CD274: variants seen among roughly 807,000 people sequenced by gnomAD.
The protein encoded by CD274 is programmed cell death 1 ligand 1.
CD274 carries 8 observed loss-of-function variants against 30.1 expected under a neutral mutation model. That is an observed-to-expected ratio of 0.27 (90% CI 0.16 to 0.48). The LOEUF (loss-of-function observed/expected upper bound fraction) is 0.48, where lower values mean the gene tolerates loss of function less well. Among genes scored for constraint, CD274 ranks in the 20% least tolerant of loss-of-function variants. The pLI is 0.99. For synonymous variants in CD274, 152 were observed against 124.6 expected (o/e 1.22, Z -1.46); for missense variants, 353 against 346.6 (o/e 1.02, Z -0.15).
chr9:5,457,528 T>C (rs1819328456), intron 3 of CD274, 108 bp downstream of exon 3: 2 of 825,088 alleles, frequency 2.4e-6, no homozygotes, highest in African/African-American at 1.7e-5. Flanking sequence ...CAGAACAGCA[T>C]AGTCTGTTCA....
intron 4 of CD274, among the ~76,000 whole-genome samples, chr9:5,465,036 C>A (rs1970000): frequency 0.57 from 85,257 of 149,956 alleles, 25,056 homozygotes; most frequent in East Asian, 0.89. Context: ...GCAGTGAGCC[C>A]AGATTGCGCC....
rs559244638 is a variant in CD274 at position 5,468,848 on chromosome 9, C to T, written c.*986C>T. On this transcript the variant is annotated 3_prime_UTR_variant, in exon 7 of 7. Transcript: ENST00000381577. The stretch of plus-strand genomic sequence containing the variant: ...ATTTACAGCTATATTTTACTTTAAG[C>T]AATTCTTTTATTCAAAAACCATTTA... 6.6e-4 allele frequency: 153 copies of T among 233,060 alleles called. No homozygotes were observed. The highest frequency in any genetic ancestry group is 3.3e-3 in the African/African-American group (150 of 45,458). 14.4% of individuals were successfully genotyped at this position (233,060 alleles called of 1,614,324 possible).
chr9:5,467,692 G>A, intron 6 of CD274, 148 bp from the exon 7 acceptor site: 2 of 749,704 alleles, frequency 2.7e-6, no homozygotes, highest in East Asian at 5.3e-5. Flanking sequence ...AAGGATAATT[G>A]GGTACAAATA....
In CD274 at chr9:5,468,847, G is replaced by A. The variant is rs1464747543; in HGVS notation, c.*985G>A. On this transcript the variant is annotated 3_prime_UTR_variant, in exon 7 of 7. Coordinates refer to ENST00000381577, the MANE Select transcript of CD274 (RefSeq NM_014143.4). ...AATTTACAGCTATATTTTACTTTAA[G>A]CAATTCTTTTATTCAAAAACCATTT... 1 of 232,876 alleles carries A rather than the reference G, an allele frequency of 4.3e-6. No individual in the cohort carries two copies. Among genetic ancestry groups the A allele is most frequent in the Admixed American group, 5.6e-5 (1 of 17,754 alleles). 14.4% of individuals were successfully genotyped at this position (232,876 alleles called of 1,614,324 possible). A position where few individuals can be genotyped will look rare whatever the true frequency, so the allele number is the denominator to read the frequency against.
intron 3 of CD274, among the ~76,000 whole-genome samples, chr9:5,458,542 A>C (rs1469677757): frequency 6.6e-6 from 1 of 152,204 alleles, no homozygotes; most frequent in African/African-American, 2.4e-5. Context: ...AACTACCATC[A>C]ATCTGAGGGC....
chr9:5,462,738 C>G, intron 3 of CD274, 96 bp from the exon 4 acceptor site: 4 of 1,154,444 alleles, frequency 3.5e-6, no homozygotes, highest in Non-Finnish European at 5.0e-6. Flanking sequence ...TGAGAACCAG[C>G]CTGCATTGAT....
intron 6 of CD274, 36 bp downstream of exon 6, chr9:5,466,865 A>G: frequency 6.8e-7 from 1 of 1,469,550 alleles, no homozygotes; most frequent in South Asian, 1.2e-5. Flanking sequence ...AGTAAAAGTC[A>G]AAGGAAACAA....
chr9:5,459,978 A>T (rs905263402), intron 3 of CD274, among the ~76,000 whole-genome samples: 26 of 150,100 alleles, frequency 1.7e-4, no homozygotes, highest in African/African-American at 6.1e-4. Flanking sequence ...AGCATATCAT[A>T]TCATACTTTT....
chr9:5,454,655 G>T (rs28525236), intron 1 of CD274, among the ~76,000 whole-genome samples: 2 of 140,994 alleles, frequency 1.4e-5, no homozygotes, highest in South Asian at 2.2e-4. Flanking sequence ...GTGTGTGTGT[G>T]TTTTTGTTTT....
chr9:5,455,064 C>T (rs142781405), intron 1 of CD274, among the ~76,000 whole-genome samples: 91 of 152,126 alleles, frequency 6.0e-4, no homozygotes, highest in South Asian at 2.3e-3. Context: ...CTTATATATA[C>T]GTGGCATCGA....
At chr9:5,452,682 A>G (rs1189212271) in intron 1 of CD274, among the ~76,000 whole-genome samples, 2 of 152,202 alleles carry the variant, frequency 1.3e-5, no homozygotes, top group African/African-American at 4.8e-5. Flanking sequence ...GGAGCTGTGG[A>G]AGAGAGGGTT....
Position 5,468,797 on chromosome 9 carries a change from G to T in CD274, c.*935G>T. 1 of 233,082 alleles carries T rather than the reference G, an allele frequency of 4.3e-6. No homozygotes were observed. Among genetic ancestry groups the T allele is most frequent in the East Asian group, 6.0e-5 (1 of 16,574 alleles). The allele number at this position is 233,082 out of a possible 1,614,324, so 14.4% of individuals were successfully genotyped here. A position where few individuals can be genotyped will look rare whatever the true frequency, so the allele number is the denominator to read the frequency against. On this transcript the variant is annotated 3_prime_UTR_variant, in exon 7 of 7. Transcript: ENST00000381577. ...ACCAGTAAATAGCAGACCTCAGACT[G>T]CCACCCACTGTCCTTTTATAATACA...
chr9:5,462,808 C>G (rs763284966), intron 3 of CD274, 26 bp from the exon 4 acceptor site: 3 of 1,602,130 alleles, frequency 1.9e-6, no homozygotes, highest in Non-Finnish European at 2.6e-6. Context: ...AGCAAAAGCC[C>G]TGACTTCTTT....
At chr9:5,460,529 T>C (rs1398763025) in intron 3 of CD274, among the ~76,000 whole-genome samples, 4 of 152,132 alleles carry the variant, frequency 2.6e-5, no homozygotes, top group African/African-American at 9.7e-5. Context: ...GTGGTATTAT[T>C]CCCATTTTAA....
At chr9:5,463,636 C>T (rs776974747) in intron 4 of CD274, among the ~76,000 whole-genome samples, 9 of 152,158 alleles carry the variant, frequency 5.9e-5, no homozygotes, top group South Asian at 2.1e-4. Context: ...CCTTTCTCCC[C>T]GGTGCCTCTC....
Position 5,468,120 on chromosome 9 carries a change from G to A in CD274, c.*258G>A, listed in dbSNP as rs1431543028. The stretch of plus-strand genomic sequence containing the variant: ...AGGGGCTCATCGACGCCTGTGACAG[G>A]GAGAAAGGATACTTCTGAACAAGGA... On this transcript the variant is annotated 3_prime_UTR_variant, in exon 7 of 7. Transcript: ENST00000381577. 2.0e-6 allele frequency: 1 copy of A among 508,422 alleles called. No homozygotes were observed. The highest frequency in any genetic ancestry group is 3.4e-5 in the Admixed American group (1 of 29,060). 31.5% of individuals were successfully genotyped at this position (508,422 alleles called of 1,614,324 possible).
intron 3 of CD274, among the ~76,000 whole-genome samples, chr9:5,461,426 C>A (rs929082398): frequency 1.3e-5 from 2 of 152,130 alleles, no homozygotes; most frequent in Non-Finnish European, 2.9e-5. Flanking sequence ...GTTTTGAAAT[C>A]ATAATTTTAT....
intron 6 of CD274, 75 bp downstream of exon 6, chr9:5,466,904 C>A (rs1384607405): frequency 3.6e-6 from 4 of 1,124,444 alleles, no homozygotes; most frequent in East Asian, 2.4e-5. Context: ...AAGAGAAATC[C>A]ATCAGTCATA....
chr9:5,464,819 G>T lies in CD274; in HGVS notation c.683-680G>T, dbSNP rs1232283553. Among the ~76,000 whole-genome samples, 15 of 152,178 alleles carry T rather than the reference G, an allele frequency of 9.9e-5. 1 individual carries two copies. ...AATGCAAGAGGGGCCAGGAGCGGAG[G>T]CTCATGCCTGTAATCTCAGCACTTT... On this transcript the variant is annotated intron_variant, in intron 4 of 6. Transcript: ENST00000381577.
Sources: allele counts gnomAD v4.1 joint callset (sites outside exome capture counted in the v4.1 genomes callset), GRCh38; gene constraint gnomAD v4.1.1; transcripts MANE v1.5; gene names NCBI Gene and HGNC (gene_info 2026-07-23, HGNC 2026-07-21).